Variants in NEGR1 observed in about 807,000 individuals in gnomAD.
NEGR1 encodes IgLON family member 4.
NEGR1 carries 10 observed loss-of-function variants against 40.9 expected under a neutral mutation model. The ratio of observed to expected loss-of-function variants is 0.24; its 90% confidence interval spans 0.15 to 0.42. The LOEUF (loss-of-function observed/expected upper bound fraction) is 0.42. Among genes scored for constraint, NEGR1 ranks in the 10% least tolerant of loss-of-function variants. The pLI is 1.00. For missense variants in NEGR1, 352 were observed against 438.9 expected (o/e 0.80, Z 1.77); for synonymous variants, 185 against 166.8 (o/e 1.11, Z -0.84).
At chr1:72,205,984 C>A (rs1653385362) in intron 1 of NEGR1, among the ~76,000 whole-genome samples, 2 of 149,196 alleles carry the variant, frequency 1.3e-5, no homozygotes, top group South Asian at 2.1e-4. Context: ...TAGAGAATAT[C>A]TAGTATGTGT....
intron 1 of NEGR1, among the ~76,000 whole-genome samples, chr1:72,131,111 CTGACCAACT>C (rs1650233339): frequency 6.6e-6 from 1 of 152,122 alleles, no homozygotes. Context: ...TCTAAGTCTC[CTGACCAACT>C]TGTTAAAATA....
intron 3 of NEGR1, among the ~76,000 whole-genome samples, chr1:71,770,535 T>C (rs1482564711): frequency 1.3e-5 from 2 of 152,096 alleles, no homozygotes; most frequent in East Asian, 3.9e-4. Flanking sequence ...TCAATCAAAG[T>C]TAAATGAAAT....
chr1:72,135,375 CAA>C (rs71074819), intron 1 of NEGR1, among the ~76,000 whole-genome samples: 26 of 71,382 alleles, frequency 3.6e-4, no homozygotes, highest in Admixed American at 8.9e-4. Context: ...GACTCCGTCT[CAA>C]AAAAAAAAAA....
At chr1:71,569,861 A>G (rs953363353) in intron 6 of NEGR1, among the ~76,000 whole-genome samples, 2 of 152,210 alleles carry the variant, frequency 1.3e-5, no homozygotes, top group Non-Finnish European at 2.9e-5. Context: ...AAGATCAGAC[A>G]CAAGTGTGGC....
chr1:72,150,679 C>T (rs1651092933), intron 1 of NEGR1, among the ~76,000 whole-genome samples: 1 of 152,028 alleles, frequency 6.6e-6, no homozygotes, highest in Admixed American at 6.6e-5. Flanking sequence ...CTTCTGTAGC[C>T]ACACTGACCA....
chr1:71,753,712 A>G (rs1264938119), intron 3 of NEGR1, among the ~76,000 whole-genome samples: 1 of 152,096 alleles, frequency 6.6e-6, no homozygotes, highest in Non-Finnish European at 1.5e-5. Flanking sequence ...TAATAGATCC[A>G]TATCACTTTT....
intron 2 of NEGR1, among the ~76,000 whole-genome samples, chr1:71,897,609 G>A (rs947362768): frequency 1.3e-5 from 2 of 152,178 alleles, no homozygotes; most frequent in Non-Finnish European, 2.9e-5. Flanking sequence ...CAATTTTAAA[G>A]AGATTAACTC....
intron 2 of NEGR1, among the ~76,000 whole-genome samples, chr1:71,798,829 C>A (rs1382504301): frequency 6.6e-6 from 1 of 152,092 alleles, no homozygotes; most frequent in Non-Finnish European, 1.5e-5. Context: ...GTGTTGATAC[C>A]TTATCCCAAT....
intron 1 of NEGR1, among the ~76,000 whole-genome samples, chr1:72,032,952 C>A (rs1039856034): frequency 6.6e-6 from 1 of 151,984 alleles, no homozygotes; most frequent in African/African-American, 2.4e-5. Context: ...CAGAGCCTAG[C>A]ACAGAATAAT....
intron 6 of NEGR1, among the ~76,000 whole-genome samples, chr1:71,512,039 G>C (rs1198362155): frequency 6.6e-6 from 1 of 152,108 alleles, no homozygotes. Flanking sequence ...GCAAGTAAAT[G>C]ATACGATGCA....
intron 3 of NEGR1, among the ~76,000 whole-genome samples, chr1:71,717,401 CTTTT>C (rs952152913): frequency 1.2e-4 from 18 of 151,878 alleles, no homozygotes; most frequent in Non-Finnish European, 2.4e-4. Context: ...CTTAGTATTA[CTTTT>C]TTTTGAGTAA....
intron 1 of NEGR1, among the ~76,000 whole-genome samples, chr1:72,126,772 T>C (rs916281290): frequency 6.6e-6 from 1 of 152,184 alleles, no homozygotes; most frequent in South Asian, 2.1e-4. Context: ...ATGAGCTTCA[T>C]GTCCTCATAA....
chr1:72,135,718 C>T (rs901737342), intron 1 of NEGR1, among the ~76,000 whole-genome samples: 1 of 152,040 alleles, frequency 6.6e-6, no homozygotes, highest in African/African-American at 2.4e-5. Context: ...AACAGGGTCT[C>T]CTAAAGTATT....
intron 4 of NEGR1, among the ~76,000 whole-genome samples, chr1:71,633,009 A>G (rs1435341319): frequency 6.6e-6 from 1 of 152,130 alleles, no homozygotes; most frequent in East Asian, 1.9e-4. Context: ...GTATTTTGTT[A>G]TTAAGTAGAT....
intron 3 of NEGR1, among the ~76,000 whole-genome samples, chr1:71,728,836 A>T (rs1439588200): frequency 6.6e-6 from 1 of 152,108 alleles, no homozygotes; most frequent in Non-Finnish European, 1.5e-5. Context: ...CTCAAAAGTT[A>T]TTCTTTCTGT....
At chr1:71,971,989 TA>T (rs1646260404) in intron 1 of NEGR1, among the ~76,000 whole-genome samples, 1 of 152,196 alleles carries the variant, frequency 6.6e-6, no homozygotes, top group African/African-American at 2.4e-5. Flanking sequence ...AGGAAAATAA[TA>T]GAGTAAATGA....
At chr1:72,058,637 C>G (rs1478102854) in intron 1 of NEGR1, among the ~76,000 whole-genome samples, 1 of 151,600 alleles carries the variant, frequency 6.6e-6, no homozygotes, top group Non-Finnish European at 1.5e-5. Context: ...TCTGCTACAG[C>G]TGTCTTTAAA....
At chr1:72,255,714 C>A (rs887136504) in intron 1 of NEGR1, among the ~76,000 whole-genome samples, 1 of 151,956 alleles carries the variant, frequency 6.6e-6, no homozygotes, top group Non-Finnish European at 1.5e-5. Context: ...CCACACCCAG[C>A]AATTCTTTTG....
At chr1:71,547,782 T>C (rs1303749370) in intron 6 of NEGR1, among the ~76,000 whole-genome samples, 1 of 151,694 alleles carries the variant, frequency 6.6e-6, no homozygotes, top group Non-Finnish European at 1.5e-5. Flanking sequence ...CTCCCAATGA[T>C]CCTGGTTTCT....
Sources: gnomAD v4.1 joint callset for allele counts (sites outside exome capture counted in the v4.1 genomes callset) on GRCh38, gnomAD v4.1.1 for gene constraint, MANE v1.5 for transcripts, NCBI Gene and HGNC (gene_info 2026-07-23, HGNC 2026-07-21) for gene names.